ZNF18: variants seen among roughly 807,000 people sequenced by gnomAD.
The protein encoded by ZNF18 is zinc finger protein 18.
Under a neutral mutation model 58.1 loss-of-function variants are expected in ZNF18, and 42 were observed. That is an observed-to-expected ratio of 0.72 (90% confidence interval 0.56 to 0.93). ZNF18 has a LOEUF of 0.93. ZNF18 is among the 40% of genes least tolerant of loss of function. The pLI is 0.00. For missense variants in ZNF18, 540 were observed against 644.2 expected, an observed-to-expected ratio of 0.84 and a Z score of 1.75; for synonymous variants, 231 against 239.8, an observed-to-expected ratio of 0.96 and a Z score of 0.34.
At chr17:11,997,634 G>A (rs558274820), upstream of ZNF18, 1 of 152,250 alleles carries the variant, frequency 6.6e-6, no homozygotes, top group African/African-American at 2.4e-5. Flanking sequence ...TGGCAGCGAG[G>A]TTCCCGAGCC....
In ZNF18 at chr17:11,988,793, C is replaced by A. The variant is rs140687694; in HGVS notation, c.666+1669G>T. On this transcript the variant is annotated intron_variant, in intron 4 of 6. Transcript: ENST00000580306. ...TATAGTAATACAAAAATATATAGCA[C>A]CCCACCAATGTGATACCCAATCAAA... is the stretch of plus-strand genomic sequence containing the variant. Among the ~76,000 whole-genome samples the A allele has an allele frequency of 9.4e-3, 1,425 of 152,220 alleles. 13 individuals carry two copies. The highest frequency in any genetic ancestry group is 0.014 in the South Asian group (67 of 4,830).
chr17:12,011,017 G>T, the ZNF18 span: 4 of 749,952 alleles, frequency 5.3e-6, no homozygotes, highest in Non-Finnish European at 9.7e-6. Flanking sequence ...CCAACAGCAT[G>T]CTGGGGAACA....
chr17:11,994,079 G>A (rs1367348744), intron 1 of ZNF18, among the ~76,000 whole-genome samples: 2 of 152,036 alleles, frequency 1.3e-5, no homozygotes, highest in Admixed American at 1.3e-4. Flanking sequence ...TAAATGTTAT[G>A]AAGAATTTGG....
chr17:12,003,904 G>A, the ZNF18 span, among the ~76,000 whole-genome samples: 11 of 152,294 alleles, frequency 7.2e-5, no homozygotes, highest in African/African-American at 2.6e-4. Context: ...TGCCATAAGG[G>A]AACGTGAGGA....
the ZNF18 span, among the ~76,000 whole-genome samples, chr17:12,010,249 T>C: frequency 2.2e-4 from 34 of 152,322 alleles, no homozygotes; most frequent in East Asian, 6.0e-3. Context: ...ATATATCTTG[T>C]AATTCTTCGC....
chr17:12,006,057 A>G, the ZNF18 span, among the ~76,000 whole-genome samples: 1 of 152,070 alleles, frequency 6.6e-6, no homozygotes, highest in South Asian at 2.1e-4. Flanking sequence ...AGATTATCTG[A>G]GAGGTAGAGC....
upstream of ZNF18, among the ~76,000 whole-genome samples, chr17:12,001,624 G>A (rs964184416): frequency 3.5e-4 from 53 of 151,508 alleles, no homozygotes; most frequent in African/African-American, 1.2e-3. Context: ...GAGAGACTCC[G>A]TCTCAAAACA....
intron 4 of ZNF18, among the ~76,000 whole-genome samples, chr17:11,985,305 T>C (rs996105643): frequency 5.3e-5 from 8 of 152,146 alleles, no homozygotes; most frequent in Admixed American, 3.9e-4. Flanking sequence ...GAAACTCAGA[T>C]TGTATAGCAA....
chr17:12,018,580 A>T, the ZNF18 span, among the ~76,000 whole-genome samples: 6 of 152,166 alleles, frequency 3.9e-5, no homozygotes, highest in Non-Finnish European at 5.9e-5. Context: ...GGGGGTTAGG[A>T]CTCCAACATG....
At chr17:12,015,795 CTT>C in the ZNF18 span, among the ~76,000 whole-genome samples, 1 of 146,480 alleles carries the variant, frequency 6.8e-6, no homozygotes, top group South Asian at 2.1e-4. Context: ...ATTTGTATTC[CTT>C]TTTTTTTTTG....
At chr17:12,007,781 G>T in the ZNF18 span, among the ~76,000 whole-genome samples, 1 of 152,148 alleles carries the variant, frequency 6.6e-6, no homozygotes, top group Non-Finnish European at 1.5e-5. Context: ...GGAGCATGTG[G>T]TGGCTCCTGA....
At chr17:12,003,811 C>A in the ZNF18 span, among the ~76,000 whole-genome samples, 2 of 152,192 alleles carry the variant, frequency 1.3e-5, no homozygotes, top group Admixed American at 1.3e-4. Context: ...AGAAGTTAAG[C>A]TTCACTGGTA....
upstream of ZNF18, among the ~76,000 whole-genome samples, chr17:11,998,975 T>C (rs1429812707): frequency 1.3e-5 from 2 of 152,106 alleles, no homozygotes; most frequent in African/African-American, 2.4e-5. Context: ...GGCACCTAGC[T>C]GGACGTTTCT....
chr17:12,021,006 G>C, the ZNF18 span: 2 of 1,207,832 alleles, frequency 1.7e-6, no homozygotes, highest in East Asian at 6.7e-5. Context: ...TGCAGGGTAA[G>C]GAACGCGGCC....
upstream of ZNF18, among the ~76,000 whole-genome samples, chr17:12,000,192 A>G (rs9892786): frequency 4.2e-3 from 636 of 152,272 alleles, 5 homozygotes; most frequent in African/African-American, 0.011. Context: ...AAGTGCTGGA[A>G]TTACAGGTGC....
chr17:12,000,955 A>G (rs1968645505), upstream of ZNF18, among the ~76,000 whole-genome samples: 1 of 152,216 alleles, frequency 6.6e-6, no homozygotes, highest in African/African-American at 2.4e-5. Context: ...TATAAAAAGA[A>G]ATAGCAAAAT....
chr17:12,017,802 A>T, the ZNF18 span, among the ~76,000 whole-genome samples: 2 of 151,944 alleles, frequency 1.3e-5, no homozygotes, highest in Non-Finnish European at 2.9e-5. Context: ...ACTTGTGCCC[A>T]GGAAGCGGAG....
the ZNF18 span, among the ~76,000 whole-genome samples, chr17:12,004,389 C>A: frequency 6.6e-6 from 1 of 152,066 alleles, no homozygotes; most frequent in African/African-American, 2.4e-5. Context: ...TTAACTAACC[C>A]TAGTTTAAAG....
At chr17:12,009,725 T>C in the ZNF18 span, among the ~76,000 whole-genome samples, 50 of 152,214 alleles carry the variant, frequency 3.3e-4, no homozygotes, top group African/African-American at 1.1e-3. Context: ...AGTGCTGGAA[T>C]TACAGGCGTG....
Sources: allele counts gnomAD v4.1 joint callset (sites outside exome capture counted in the v4.1 genomes callset), GRCh38; gene constraint gnomAD v4.1.1; transcripts MANE v1.5; gene names NCBI Gene and HGNC (gene_info 2026-07-23, HGNC 2026-07-21).